The following ANKFY1 variants were observed in gnomAD, a reference collection of about 807,000 sequenced individuals.
ANKFY1 encodes the protein ankyrin repeat and FYVE domain-containing protein 1.
In ANKFY1, 47 loss-of-function variants were observed where a neutral mutation model predicts 128.3. The ratio of observed to expected loss-of-function variants is 0.37; its 90% CI spans 0.29 to 0.47. ANKFY1 has a LOEUF of 0.47. ANKFY1 is among the 20% of genes least tolerant of loss of function. The pLI is 1.00. For synonymous variants in ANKFY1, 553 were observed against 601.6 expected (o/e 0.92, Z 1.18); for missense variants, 1,222 against 1,510.6 (o/e 0.81, Z 3.17).
intron 4 of ANKFY1, among the ~76,000 whole-genome samples, chr17:4,214,304 G>A (rs998882694): frequency 2.0e-5 from 3 of 152,152 alleles, no homozygotes; most frequent in African/African-American, 7.2e-5. Flanking sequence ...AGGATCTCCA[G>A]AGTGCCATTT....
At position 4,207,686 on chromosome 17, in the gene ANKFY1, TA is replaced by T. The variant is rs79910969; in HGVS notation, c.732+246del. 2.2e-3 allele frequency among the ~76,000 whole-genome samples: 310 copies of T among 139,710 alleles called. 1 individual carries two copies. The highest frequency in any genetic ancestry group is 7.1e-3 in the Middle Eastern group (2 of 280). The allele number at this position is 139,710 out of a possible 152,430, so 91.7% of individuals were successfully genotyped here. Reference sequence around the variant, plus strand: ...TGGCACCTAAAAGTTAAGAAGCGTTTAAAAAAAAAAAAAAACTACCTAAAAG... The same window carrying T: ...TGGCACCTAAAAGTTAAGAAGCGTTTAAAAAAAAAAAAAACTACCTAAAAG... On this transcript the variant is annotated intron_variant, in intron 6 of 24. Transcript: ENST00000341657.
In ANKFY1 at chr17:4,164,574, C is replaced by G. The variant is rs2059178744; in HGVS notation, c.*3205G>C. Reference sequence around the variant, plus strand: ...CCTTCCTTGTTCCTGCTACTGTCACCTGGGAAGTTAGCGTTAGCTTGCCTT... The same window carrying G: ...CCTTCCTTGTTCCTGCTACTGTCACGTGGGAAGTTAGCGTTAGCTTGCCTT... On this transcript the variant is annotated 3_prime_UTR_variant, in exon 25 of 25. Coordinates refer to ENST00000341657, the MANE Select transcript of ANKFY1 (RefSeq NM_001330063.2). 6.6e-6 allele frequency: 1 copy of G among 152,274 alleles called. No individual in the cohort carries two copies. The highest frequency in any genetic ancestry group is 6.5e-5 in the Admixed American group (1 of 15,286). The allele number at this position is 152,274 out of a possible 1,614,324, so 9.4% of individuals were successfully genotyped here.
At chr17:4,211,057 AAAAAAAG>A (rs1459157439) in intron 4 of ANKFY1, among the ~76,000 whole-genome samples, 1 of 151,852 alleles carries the variant, frequency 6.6e-6, no homozygotes, top group Non-Finnish European at 1.5e-5. Context: ...AAATAAAAAG[AAAAAAAG>A]AAAAAAGAAA....
chr17:4,195,576 ATCCCACAT>A, intron 8 of ANKFY1, 105 bp from the exon 9 acceptor site: 1 of 835,154 alleles, frequency 1.2e-6, no homozygotes, highest in South Asian at 1.5e-5. Context: ...CCCGCAAGAA[ATCCCACAT>A]TTCTACAAGG....
At chr17:4,253,897 C>A (rs921424828) in intron 1 of ANKFY1, among the ~76,000 whole-genome samples, 1 of 152,156 alleles carries the variant, frequency 6.6e-6, no homozygotes, top group East Asian at 1.9e-4. Flanking sequence ...TACTAATATC[C>A]TAATCCCTGG....
Position 4,185,021 on chromosome 17 carries a change from C to A in ANKFY1, c.1496G>T (p.Cys499Phe). ...CGTGAGGTTGGCCAGGCCATGCCGACACGCTGTGTGCAACGGGGTTTCTCC... is the reference window on the plus strand; with the variant it reads ...CGTGAGGTTGGCCAGGCCATGCCGAAACGCTGTGTGCAACGGGGTTTCTCC... ...KWGETPLHTA[C>F]RHGLANLTAE... The change falls in exon 12 of 25, where the codon TGT (cysteine) becomes TTT (phenylalanine). Residue 499 changes from cysteine to phenylalanine, a missense_variant. By Grantham distance (205) the Cys-to-Phe change is radical. Coordinates refer to ENST00000341657, the MANE Select transcript of ANKFY1 (RefSeq NM_001330063.2). 1 of 1,613,572 alleles carries A rather than the reference C, an allele frequency of 6.2e-7. No individual in the cohort carries two copies. Among genetic ancestry groups the A allele is most frequent in the Non-Finnish European group, 8.5e-7 (1 of 1,180,024 alleles).
intron 6 of ANKFY1, among the ~76,000 whole-genome samples, chr17:4,207,526 A>AT (rs1249422563): frequency 6.6e-6 from 1 of 152,202 alleles, no homozygotes; most frequent in Non-Finnish European, 1.5e-5. Context: ...GCCTGCCGAC[A>AT]TCCTGATTTT....
intron 1 of ANKFY1, among the ~76,000 whole-genome samples, chr17:4,248,126 G>A (rs12601993): frequency 0.31 from 47,470 of 152,018 alleles, 8,144 homozygotes; most frequent in Admixed American, 0.39. Flanking sequence ...CATGGAAAAT[G>A]AGACTAATGA....
In ANKFY1 at chr17:4,183,917, G is replaced by A. The variant is rs754000604; in HGVS notation, c.1700-7C>T. ...GTGGCATGAAGAGCATTGGCTAAAT[G>A]TTTGAAAAAGTAAAAGAACACTTGA... On this transcript the variant is annotated splice_polypyrimidine_tract_variant and splice_region_variant and intron_variant, in intron 12 of 24. Transcript: ENST00000341657. 6.2e-7 allele frequency: 1 copy of A among 1,603,202 alleles called. No homozygotes were observed. The highest frequency in any genetic ancestry group is 2.2e-5 in the East Asian group (1 of 44,822).
At chr17:4,227,256 A>T (rs999670082) in intron 3 of ANKFY1, among the ~76,000 whole-genome samples, 3 of 152,128 alleles carry the variant, frequency 2.0e-5, no homozygotes, top group East Asian at 1.9e-4. Context: ...TAGAGACATT[A>T]AAAAAAATTA....
rs1191721295 is a variant in ANKFY1, at chr17:4,252,177, T to C, written c.11-9729A>G. On this transcript the variant is annotated intron_variant, in intron 1 of 24. Coordinates refer to ENST00000341657, the MANE Select transcript of ANKFY1 (RefSeq NM_001330063.2). Reference sequence around the variant, plus strand: ...TACAGTAAATAAGCACATGAAAAGATGTGCATCATTAGTAATTAAGATGCA... The same window carrying C: ...TACAGTAAATAAGCACATGAAAAGACGTGCATCATTAGTAATTAAGATGCA... Among the ~76,000 whole-genome samples the C allele has an allele frequency of 4.6e-5, 7 of 152,082 alleles. No homozygotes were observed. The East Asian group carries it at 9.6e-4, about 21-fold the overall frequency.
intron 24 of ANKFY1, 168 bp from the exon 25 acceptor site, chr17:4,168,079 G>A: frequency 1.6e-6 from 1 of 628,264 alleles, no homozygotes; most frequent in Non-Finnish European, 2.5e-6. Flanking sequence ...AGAATTTTTA[G>A]TCTATGAAAA....
chr17:4,169,377 G>GT lies in ANKFY1; in HGVS notation c.3287-90dup, dbSNP rs1271768398. On this transcript the variant is annotated intron_variant, in intron 23 of 24. Coordinates refer to ENST00000341657, the MANE Select transcript of ANKFY1 (RefSeq NM_001330063.2). The surrounding 1 kb of genome is among the most constrained non-coding windows in gnomAD (Gnocchi z 5.0). ...TTGGAGGCAGCAGGAACACAGACCC[G>GT]TAAGTGAGGCAGCGCTGCCACATGA... 1 of 979,078 alleles carries GT rather than the reference G, an allele frequency of 1.0e-6. No individual in the cohort carries two copies. The highest frequency in any genetic ancestry group is 1.6e-6 in the Non-Finnish European group (1 of 638,526). 60.6% of individuals were successfully genotyped at this position (979,078 alleles called of 1,614,324 possible). A position where few individuals can be genotyped will look rare whatever the true frequency, so the allele number is the denominator to read the frequency against.
chr17:4,238,507 CTT>C (rs1401713260), intron 2 of ANKFY1, among the ~76,000 whole-genome samples: 2 of 151,038 alleles, frequency 1.3e-5, no homozygotes, highest in African/African-American at 4.9e-5. Flanking sequence ...GGAGTTCACT[CTT>C]GTTGCCCAGG....
intron 1 of ANKFY1, among the ~76,000 whole-genome samples, chr17:4,245,242 G>A (rs955634395): frequency 1.3e-5 from 2 of 152,002 alleles, no homozygotes; most frequent in East Asian, 3.9e-4. Flanking sequence ...GAGCGCAGTG[G>A]CACAATCCTA....
chr17:4,193,491 G>A (rs371870685), intron 10 of ANKFY1, among the ~76,000 whole-genome samples: 5 of 138,016 alleles, frequency 3.6e-5, no homozygotes, highest in Admixed American at 7.9e-5. Context: ...TGCAATGCAC[G>A]ATCTTGGCTC....
intron 7 of ANKFY1, among the ~76,000 whole-genome samples, chr17:4,204,470 A>G (rs1022211708): frequency 6.6e-6 from 1 of 152,224 alleles, no homozygotes; most frequent in African/African-American, 2.4e-5. Context: ...GCAACACTCT[A>G]AAGTTAGCAA....
At chr17:4,258,119 G>C (rs961947626) in intron 1 of ANKFY1, among the ~76,000 whole-genome samples, 1 of 152,208 alleles carries the variant, frequency 6.6e-6, no homozygotes, top group African/African-American at 2.4e-5. Flanking sequence ...AGGAAAGGGA[G>C]AGAAAAGAAA....
chr17:4,179,984 C>T, intron 16 of ANKFY1, 107 bp from the exon 17 acceptor site: 1 of 1,414,642 alleles, frequency 7.1e-7, no homozygotes, highest in South Asian at 1.3e-5. Flanking sequence ...ACAGCGTCTG[C>T]TGTGGCCGGG....
Sources: allele counts gnomAD v4.1 joint callset (sites outside exome capture counted in the v4.1 genomes callset), GRCh38; gene constraint gnomAD v4.1.1; non-coding constraint Gnocchi (gnomAD v3.1); transcripts MANE v1.5; gene names NCBI Gene and HGNC (gene_info 2026-07-23, HGNC 2026-07-21).